RETN: variants seen among roughly 807,000 people sequenced by gnomAD.
The protein encoded by RETN is C/EBP-epsilon regulated myeloid-specific secreted cysteine-rich protein precursor 1.
RETN carries 5 observed loss-of-function variants against 6.1 expected under a neutral mutation model. The ratio of observed to expected loss-of-function variants is 0.82; its 90% CI spans 0.43 to 1.73. The LOEUF (loss-of-function observed/expected upper bound fraction) is 1.73, where lower values mean the gene tolerates loss of function less well. Among genes scored for constraint, RETN ranks in the 40% most tolerant of loss-of-function variants. The probability of loss-of-function intolerance (pLI) is 0.02; values close to 1 mark genes in which losing one functional copy is unlikely to be tolerated. For missense variants in RETN, 168 were observed against 142.5 expected (o/e 1.18, Z -0.91); for synonymous variants, 62 against 59.2 (o/e 1.05, Z -0.22).
chr19:7,670,113 T>TCCCCCCCCCCCCCCCCCCC, intron 3 of RETN, 106 bp from the exon 4 acceptor site: 2 of 465,520 alleles, frequency 4.3e-6, no homozygotes, highest in South Asian at 2.0e-5. Context: ...GCCGTCCCCG[T>TCCCCCCCCCCCCCCCCCCC]CCCCACCCCC....
At chr19:7,669,231 G>C in intron 1 of RETN, 86 bp from the exon 2 acceptor site, 1 of 937,346 alleles carries the variant, frequency 1.1e-6, no homozygotes, top group South Asian at 1.3e-5. Flanking sequence ...CCAGGTCCAG[G>C]GGCAGATCCT....
At position 7,670,235 on chromosome 19, in the gene RETN, C is replaced by G. The variant is rs766278181; in HGVS notation, c.213C>G (p.Gly71=). 3 of 1,604,748 alleles carry G rather than the reference C, an allele frequency of 1.9e-6. No individual in the cohort carries two copies. Among genetic ancestry groups the G allele is most frequent in the Non-Finnish European group, 2.5e-6 (3 of 1,179,152 alleles). The stretch of plus-strand genomic sequence containing the variant: ...GGGCTGCAGGCTTCGCCGTCACCGG[C>G]TGCACTTGTGGCTCCGCCTGTGGCT... ...ATCPRGFAVT[G]CTCGSACGSW... is the part of the protein sequence containing the mutation. The change falls in exon 4 of 4, where the codon GGC becomes GGG. Residue 71 remains glycine, a synonymous_variant. Transcript: ENST00000221515.
At chr19:7,670,111 C>CGGGGGGGGGGGGGGGGGGGGGGGGGGGG in intron 3 of RETN, 108 bp from the exon 4 acceptor site, 1 of 614,744 alleles carries the variant, frequency 1.6e-6, no homozygotes, top group Non-Finnish European at 2.9e-6. Flanking sequence ...CAGCCGTCCC[C>CGGGGGGGGGGGGGGGGGGGGGGGGGGGG]GTCCCCACCC....
chr19:7,669,366 C>G lies in RETN; in HGVS notation c.40C>G (p.Leu14Val). 1 of 1,614,036 alleles carries G rather than the reference C, an allele frequency of 6.2e-7. No homozygotes were observed. Among genetic ancestry groups the G allele is most frequent in the Non-Finnish European group, 8.5e-7 (1 of 1,179,972 alleles). ...TCTCCTCCTCCTCCCTGTCCTGGGG[C>G]TGTTGGTGTCTAGCAAGACCCTGTG... is the stretch of plus-strand genomic sequence containing the variant. ...LCLLLLPVLG[L>V]LVSSKTLCSM... Residue 14 changes from leucine (L) to valine (V), a missense_variant, in exon 2 of 4, where the codon CTG becomes GTG. Transcript: ENST00000221515.
Position 7,670,386 on chromosome 19 carries a change from G to C in RETN, c.*37G>C. 2 of 1,530,602 alleles carry C rather than the reference G, an allele frequency of 1.3e-6. No homozygotes were observed. The highest frequency in any genetic ancestry group is 1.8e-6 in the Non-Finnish European group (2 of 1,142,044). 94.8% of individuals were successfully genotyped at this position (1,530,602 alleles called of 1,614,324 possible). A position where few individuals can be genotyped will look rare whatever the true frequency, so the allele number is the denominator to read the frequency against. ...GCGCGTGCACAGCGCGGGCGGAGGC[G>C]GCTCCAGGTCCGGAGGGGTTGCGGG... On this transcript the variant is annotated 3_prime_UTR_variant, in exon 4 of 4. Coordinates refer to ENST00000221515, the MANE Select transcript of RETN (RefSeq NM_020415.4).
At chr19:7,670,432 AGATGATGATGATGAT>A (rs3833230) in exon 4 of RETN, 103 of 1,142,916 alleles carry the variant, frequency 9.0e-5, no homozygotes, top group Middle Eastern at 2.9e-4. Flanking sequence ...ATAAACCTGG[AGATGATGATGATGAT>A]GATGATGATG....
In RETN at chr19:7,670,392, A is replaced by G. The variant is rs2032482395; in HGVS notation, c.*43A>G. The G allele has an allele frequency of 4.6e-6, 7 of 1,524,446 alleles. No individual in the cohort carries two copies. The highest frequency in any genetic ancestry group is 6.1e-6 in the Non-Finnish European group (7 of 1,139,020). The allele number at this position is 1,524,446 out of a possible 1,614,324, so 94.4% of individuals were successfully genotyped here. On this transcript the variant is annotated 3_prime_UTR_variant, in exon 4 of 4. Transcript: ENST00000221515. ...GCACAGCGCGGGCGGAGGCGGCTCC[A>G]GGTCCGGAGGGGTTGCGGGGGAGCT... is the stretch of plus-strand genomic sequence containing the variant.
chr19:7,670,116 C>A, intron 3 of RETN, 103 bp from the exon 4 acceptor site: 1 of 558,750 alleles, frequency 1.8e-6, no homozygotes, highest in Non-Finnish European at 3.2e-6. Context: ...GTCCCCGTCC[C>A]CACCCCCGCC....
rs1568478794 is a variant in RETN at position 7,670,437 on chromosome 19, ATGATG to A, written c.*89_*93del. On this transcript the variant is annotated 3_prime_UTR_variant, in exon 4 of 4. Transcript: ENST00000221515. ...GGAGCTGGAAATAAACCTGGAGATG[ATGATG>A]ATGATGATGATGATGATGATGGAGC... The A allele has an allele frequency of 0.017, 386 of 23,214 alleles. 1 individual carries two copies. The South Asian group carries it at 0.22, about 13-fold the overall frequency. 1.4% of individuals were successfully genotyped at this position (23,214 alleles called of 1,614,324 possible).
At position 7,670,389 on chromosome 19, in the gene RETN, T is replaced by C. The variant is rs1443195712; in HGVS notation, c.*40T>C. On this transcript the variant is annotated 3_prime_UTR_variant, in exon 4 of 4. Coordinates refer to ENST00000221515, the MANE Select transcript of RETN (RefSeq NM_020415.4). ...CGTGCACAGCGCGGGCGGAGGCGGC[T>C]CCAGGTCCGGAGGGGTTGCGGGGGA... 2.0e-6 allele frequency: 3 copies of C among 1,528,670 alleles called. No homozygotes were observed. Among genetic ancestry groups the C allele is most frequent in the Non-Finnish European group, 1.8e-6 (2 of 1,141,134 alleles). 94.7% of individuals were successfully genotyped at this position (1,528,670 alleles called of 1,614,324 possible).
Position 7,669,742 on chromosome 19 carries a change from C to A in RETN, c.119-79C>A, listed in dbSNP as rs551672239. ...ATGCCCACAGGGACCTAGCTCCAAACCAACAGGGCTAGGGGAGGATGGGGG... is the reference window on the plus strand; with the variant it reads ...ATGCCCACAGGGACCTAGCTCCAAAACAACAGGGCTAGGGGAGGATGGGGG... On this transcript the variant is annotated intron_variant, in intron 2 of 3. Coordinates refer to ENST00000221515, the MANE Select transcript of RETN (RefSeq NM_020415.4). The A allele has an allele frequency of 3.0e-6, 4 of 1,343,982 alleles. No individual in the cohort carries two copies. The East Asian group carries it at 7.0e-5, about 23-fold the overall frequency. The allele number at this position is 1,343,982 out of a possible 1,614,324, so 83.3% of individuals were successfully genotyped here.
chr19:7,670,157 C>G lies in RETN; in HGVS notation c.197-62C>G, dbSNP rs1456711115. 37 of 861,026 alleles carry G rather than the reference C, an allele frequency of 4.3e-5. No homozygotes were observed. In the African/African-American group the frequency reaches 4.7e-4, roughly 11 times the overall value. 53.3% of individuals were successfully genotyped at this position (861,026 alleles called of 1,614,324 possible). ...AACCCCCCTCCGCGCTCCCCACCCC[C>G]CTCCCGCTCCCACCCTCAGCCTCCC... is the stretch of plus-strand genomic sequence containing the variant. On this transcript the variant is annotated intron_variant, in intron 3 of 3. Transcript: ENST00000221515.
chr19:7,669,233 G>A (rs2032448486), intron 1 of RETN, 84 bp from the exon 2 acceptor site: 2 of 951,254 alleles, frequency 2.1e-6, no homozygotes, highest in Non-Finnish European at 3.4e-6. Context: ...AGGTCCAGGG[G>A]CAGATCCTAC....
chr19:7,670,267 A>T lies in RETN; in HGVS notation c.245A>T (p.Asp82Val). The T allele has an allele frequency of 6.3e-7, 1 of 1,593,172 alleles. No homozygotes were observed. The highest frequency in any genetic ancestry group is 1.3e-5 in the African/African-American group (1 of 74,252). The change falls in exon 4 of 4, where the codon GAT (aspartate) becomes GTT (valine). Residue 82 changes from aspartate (D) to valine (V), a missense_variant. Coordinates refer to ENST00000221515, the MANE Select transcript of RETN (RefSeq NM_020415.4). ...TGTGGCTCCGCCTGTGGCTCGTGGGATGTGCGCGCCGAGACCACATGTCAC... is the reference window on the plus strand; with the variant it reads ...TGTGGCTCCGCCTGTGGCTCGTGGGTTGTGCGCGCCGAGACCACATGTCAC... ...CTCGSACGSW[D>V]VRAETTCHCQ... is the part of the protein sequence containing the mutation.
At chr19:7,669,655 A>G (rs1169584467) in intron 2 of RETN, among the ~76,000 whole-genome samples, 166 bp from the exon 3 acceptor site, 9 of 151,820 alleles carry the variant, frequency 5.9e-5, no homozygotes, top group Non-Finnish European at 1.3e-4. Context: ...CTCTCACTCC[A>G]AACCTTCCCT....
At chr19:7,669,294 G>A in intron 1 of RETN, 23 bp from the exon 2 acceptor site, 5 of 1,529,848 alleles carry the variant, frequency 3.3e-6, no homozygotes, top group Non-Finnish European at 4.5e-6. Context: ...TCCAGCTGTG[G>A]GTCTCTTGGT....
Position 7,669,862 on chromosome 19 carries a change from G to C in RETN, c.160G>C (p.Val54Leu). 6.2e-7 allele frequency: 1 copy of C among 1,614,094 alleles called. No homozygotes were observed. The highest frequency in any genetic ancestry group is 8.5e-7 in the Non-Finnish European group (1 of 1,179,998). The change falls in exon 3 of 4, where the codon GTC becomes CTC. Residue 54 changes from valine (V) to leucine (L), a missense_variant. Coordinates refer to ENST00000221515, the MANE Select transcript of RETN (RefSeq NM_020415.4). ...ISSIGLECQS[V>L]TSRGDLATCP... is the part of the protein sequence containing the mutation. ...CAGCATTGGCCTGGAGTGCCAGAGCGTCACCTCCAGGGGGGACCTGGCTAC... is the reference window on the plus strand; with the variant it reads ...CAGCATTGGCCTGGAGTGCCAGAGCCTCACCTCCAGGGGGGACCTGGCTAC...
At position 7,669,361 on chromosome 19, in the gene RETN, T is replaced by C. The variant is rs1285622187; in HGVS notation, c.35T>C (p.Leu12Pro). The stretch of plus-strand genomic sequence containing the variant: ...CTCTGTCTCCTCCTCCTCCCTGTCC[T>C]GGGGCTGTTGGTGTCTAGCAAGACC... Reference protein sequence around the residue: ...KALCLLLLPVLGLLVSSKTLC... With the variant: ...KALCLLLLPVPGLLVSSKTLC... The change falls in exon 2 of 4, where the codon CTG becomes CCG. Residue 12 changes from leucine to proline, a missense_variant. Physicochemically the swap from Leu to Pro is moderately conservative, Grantham distance 98 (BLOSUM62 -3). Transcript: ENST00000221515. 1 of 1,613,864 alleles carries C rather than the reference T, an allele frequency of 6.2e-7. No homozygotes were observed. Among genetic ancestry groups the C allele is most frequent in the Non-Finnish European group, 8.5e-7 (1 of 1,179,948 alleles).
At position 7,669,907 on chromosome 19, in the gene RETN, A is replaced by T; in HGVS notation, c.196+9A>T. The T allele has an allele frequency of 6.2e-7, 1 of 1,612,672 alleles. No individual in the cohort carries two copies. The highest frequency in any genetic ancestry group is 8.5e-7 in the Non-Finnish European group (1 of 1,178,858). ...GGCTACTTGCCCCCGAGGTGAGTGC[A>T]GGAGACTGTTGTCCAGGCGCCCATT... On this transcript the variant is annotated intron_variant, in intron 3 of 3. Transcript: ENST00000221515.
Sources: allele counts gnomAD v4.1 joint callset (sites outside exome capture counted in the v4.1 genomes callset), GRCh38; gene constraint gnomAD v4.1.1; transcripts MANE v1.5; gene names NCBI Gene and HGNC (gene_info 2026-07-23, HGNC 2026-07-21).